PPP2R2C: variants seen among roughly 807,000 people sequenced by gnomAD.
PPP2R2C encodes the protein protein phosphatase 2 regulatory subunit Bgamma.
In PPP2R2C, 10 loss-of-function variants were observed where a neutral mutation model predicts 45.3. The ratio of observed to expected loss-of-function variants is 0.22; its 90% CI spans 0.14 to 0.37. The LOEUF is 0.37. PPP2R2C is among the 10% of genes least tolerant of loss of function. The pLI, the probability that PPP2R2C is intolerant of heterozygous loss-of-function variation, is 1.00. For missense variants in PPP2R2C, 308 were observed against 619.7 expected, an observed-to-expected ratio of 0.50 and a Z score of 5.34; for synonymous variants, 257 against 245.4, an observed-to-expected ratio of 1.05 and a Z score of -0.44.
chr4:6,402,439 G>A (rs1300039347), intron 1 of PPP2R2C, among the ~76,000 whole-genome samples: 5 of 152,154 alleles, frequency 3.3e-5, no homozygotes, highest in Admixed American at 1.3e-4. Flanking sequence ...TGCAAAATGG[G>A]CATGGTGCTA....
At chr4:6,424,650 T>C (rs1221192876) in intron 1 of PPP2R2C, among the ~76,000 whole-genome samples, 3 of 152,104 alleles carry the variant, frequency 2.0e-5, no homozygotes, top group Non-Finnish European at 4.4e-5. Flanking sequence ...GTGTGCCTGC[T>C]GAACAGCTGC....
intron 1 of PPP2R2C, among the ~76,000 whole-genome samples, chr4:6,417,214 G>A (rs1013885878): frequency 2.0e-5 from 3 of 152,230 alleles, no homozygotes; most frequent in African/African-American, 7.2e-5. Flanking sequence ...GACCCCACGA[G>A]GAGGAGGGAG....
At chr4:6,461,170 G>A (rs918039250) in intron 1 of PPP2R2C, among the ~76,000 whole-genome samples, 10 of 152,156 alleles carry the variant, frequency 6.6e-5, no homozygotes, top group African/African-American at 1.2e-4. Context: ...CCTAGCCACC[G>A]CATGACTCTG....
At chr4:6,326,195 G>A (rs1731924392) in intron 8 of PPP2R2C, among the ~76,000 whole-genome samples, 1 of 152,206 alleles carries the variant, frequency 6.6e-6, no homozygotes, top group Admixed American at 6.5e-5. Context: ...TGAGGATAAT[G>A]GAAAGGGGAA....
intron 1 of PPP2R2C, among the ~76,000 whole-genome samples, chr4:6,455,554 G>A (rs1008736749): frequency 6.6e-6 from 1 of 152,092 alleles, no homozygotes; most frequent in African/African-American, 2.4e-5. Flanking sequence ...ACCCCACAAC[G>A]TTCACCTCCA....
upstream of PPP2R2C, among the ~76,000 whole-genome samples, chr4:6,475,800 G>A (rs1722122867): frequency 6.6e-6 from 1 of 152,238 alleles, no homozygotes; most frequent in South Asian, 2.1e-4. Context: ...TGGAAAGTGT[G>A]CTGTGCACCG....
At chr4:6,499,168 CCTT>C (rs1454277705) in intron 2 of PPP2R2C, among the ~76,000 whole-genome samples, 1 of 152,160 alleles carries the variant, frequency 6.6e-6, no homozygotes, top group Non-Finnish European at 1.5e-5. Context: ...AGCTGGGACT[CCTT>C]CATCCATTCA....
Position 6,333,747 on chromosome 4 carries a change from A to C in PPP2R2C, c.791-16T>G. On this transcript the variant is annotated splice_polypyrimidine_tract_variant and intron_variant, in intron 6 of 8. Transcript: ENST00000382599. Reference sequence around the variant, plus strand: ...TCTTCAAAGACTGTGGAGACAGAGAAGCAATGGCCGTCACTGCGCTGCTCC... The same window carrying C: ...TCTTCAAAGACTGTGGAGACAGAGACGCAATGGCCGTCACTGCGCTGCTCC... The C allele has an allele frequency of 6.2e-7, 1 of 1,613,878 alleles. No individual in the cohort carries two copies. The highest frequency in any genetic ancestry group is 8.5e-7 in the Non-Finnish European group (1 of 1,179,878).
At chr4:6,436,857 A>G (rs529664340) in intron 1 of PPP2R2C, among the ~76,000 whole-genome samples, 2 of 151,812 alleles carry the variant, frequency 1.3e-5, no homozygotes. Context: ...CATGTGGGCC[A>G]TAGTTTACCA....
At chr4:6,528,453 A>C (rs1724286474) in intron 2 of PPP2R2C, among the ~76,000 whole-genome samples, 1 of 152,182 alleles carries the variant, frequency 6.6e-6, no homozygotes, top group African/African-American at 2.4e-5. Flanking sequence ...AGGTCTCATG[A>C]ATCATCAGAG....
chr4:6,515,488 T>A (rs1723801267), intron 2 of PPP2R2C, among the ~76,000 whole-genome samples: 1 of 152,234 alleles, frequency 6.6e-6, no homozygotes, highest in Non-Finnish European at 1.5e-5. Flanking sequence ...GGCAAGAGAC[T>A]CATCTCTTTG....
At chr4:6,512,512 T>G (rs34165459) in intron 2 of PPP2R2C, among the ~76,000 whole-genome samples, 972 of 12,310 alleles carry the variant, frequency 0.079, 1 homozygote, top group African/African-American at 0.098. Context: ...GGTGGTGATG[T>G]TGGTGGTGGT....
chr4:6,323,023 G>GT lies in PPP2R2C; in HGVS notation c.*278dup, dbSNP rs1263142127. On this transcript the variant is annotated 3_prime_UTR_variant, in exon 9 of 9. Transcript: ENST00000382599. ...GACGTGAATGAAAGAACCCTGAACTGTAAGACTCCACAGTCATGTCCATTT... is the reference window on the plus strand; with the variant it reads ...GACGTGAATGAAAGAACCCTGAACTGTTAAGACTCCACAGTCATGTCCATTT... The GT allele has an allele frequency of 2.9e-6, 1 of 344,176 alleles. No homozygotes were observed. 21.3% of individuals were successfully genotyped at this position (344,176 alleles called of 1,614,324 possible).
intron 2 of PPP2R2C, among the ~76,000 whole-genome samples, chr4:6,523,233 C>T (rs556631752): frequency 6.6e-6 from 1 of 152,308 alleles, no homozygotes; most frequent in African/African-American, 2.4e-5. Context: ...CCTTCCCTAG[C>T]CCCAACCACC....
intron 1 of PPP2R2C, among the ~76,000 whole-genome samples, chr4:6,419,194 G>T (rs967211212): frequency 6.6e-6 from 1 of 152,200 alleles, no homozygotes; most frequent in East Asian, 1.9e-4. Context: ...GAGGCAGGCG[G>T]ATCACCTGAG....
At chr4:6,544,400 T>C (rs1303013587) in intron 1 of PPP2R2C, among the ~76,000 whole-genome samples, 7 of 152,166 alleles carry the variant, frequency 4.6e-5, no homozygotes, top group Admixed American at 2.0e-4. Flanking sequence ...TGGAGTGCAG[T>C]GGCATGATCA....
intron 2 of PPP2R2C, chr4:6,380,185 C>G (rs1052223587): frequency 6.6e-6 from 1 of 152,620 alleles, no homozygotes; most frequent in African/African-American, 2.4e-5. Flanking sequence ...TGTTCACTAG[C>G]TGGGTGGCTT....
intron 2 of PPP2R2C, among the ~76,000 whole-genome samples, chr4:6,491,321 G>A (rs1025290328): frequency 6.6e-6 from 1 of 152,144 alleles, no homozygotes; most frequent in African/African-American, 2.4e-5. Flanking sequence ...GCACAGGCTG[G>A]CCAATGAGCT....
In PPP2R2C at chr4:6,472,481, C is replaced by T. The variant is rs1395861063; in HGVS notation, c.-252G>A. 9.0e-6 allele frequency: 2 copies of T among 222,974 alleles called. No homozygotes were observed. Among genetic ancestry groups the T allele is most frequent in the African/African-American group, 2.4e-5 (1 of 42,176 alleles). 13.8% of individuals were successfully genotyped at this position (222,974 alleles called of 1,614,324 possible). A position where few individuals can be genotyped will look rare whatever the true frequency, so the allele number is the denominator to read the frequency against. Reference sequence around the variant, plus strand: ...CGGGCCGGGGCCCAGGCGCGCATCCCGGCCGGCCCGTGCGCGCTGCGTCCG... The same window carrying T: ...CGGGCCGGGGCCCAGGCGCGCATCCTGGCCGGCCCGTGCGCGCTGCGTCCG... On this transcript the variant is annotated 5_prime_UTR_variant, in exon 1 of 9. Coordinates refer to ENST00000382599, the MANE Select transcript of PPP2R2C (RefSeq NM_020416.4).
Sources: allele counts gnomAD v4.1 joint callset (sites outside exome capture counted in the v4.1 genomes callset), GRCh38; gene constraint gnomAD v4.1.1; transcripts MANE v1.5; gene names NCBI Gene and HGNC (gene_info 2026-07-23, HGNC 2026-07-21).